The following DCC variants were observed in gnomAD, a reference collection of about 807,000 sequenced individuals.
The protein encoded by DCC is DCC netrin 1 receptor.
A neutral mutation model predicts 172.5 loss-of-function variants in DCC; 58 were observed. The observed-to-expected ratio is 0.34, with a 90% CI of 0.27 to 0.42. The LOEUF (loss-of-function observed/expected upper bound fraction) is 0.42, where lower values mean the gene tolerates loss of function less well. DCC is among the 10% of genes least tolerant of loss of function. The pLI is 1.00. For missense variants in DCC, 1,740 were observed against 1,791.0 expected (o/e 0.97, Z 0.51); for synonymous variants, 709 against 644.5 (o/e 1.10, Z -1.52).
intron 1 of DCC, among the ~76,000 whole-genome samples, chr18:52,578,392 A>G (rs1305185659): frequency 1.3e-5 from 2 of 152,208 alleles, no homozygotes; most frequent in Non-Finnish European, 2.9e-5. Context: ...CGTACGCTGC[A>G]TGAGATAATT....
intron 7 of DCC, among the ~76,000 whole-genome samples, chr18:53,096,343 A>T (rs989419802): frequency 1.3e-5 from 2 of 152,106 alleles, no homozygotes; most frequent in African/African-American, 4.8e-5. Context: ...TAGCTAAAAA[A>T]GAATAAAAAA....
chr18:53,207,763 C>T lies in DCC; in HGVS notation c.1807C>T (p.Arg603Cys), dbSNP rs267605206. 21 of 1,613,118 alleles carry T rather than the reference C, an allele frequency of 1.3e-5. 1 individual carries two copies. Among genetic ancestry groups the T allele is most frequent in the African/African-American group, 1.3e-5 (1 of 74,994 alleles). Residue 603 changes from arginine to cysteine, a missense_variant, in exon 11 of 29, where the codon CGC (arginine) becomes TGC (cysteine). Arg to Cys is a radical substitution (Grantham distance 180). Around this residue, in one of 2 missense-constraint regions of DCC, gnomAD observed 1,732 missense variants for 1,767.4 expected, o/e 0.98. Coordinates refer to ENST00000442544, the MANE Select transcript of DCC (RefSeq NM_005215.4). The stretch of plus-strand genomic sequence containing the variant: ...TAGTCTTCGATTCTTAGCTTATAAT[C>T]GCTATGGTCCGGGCGTCTCTACTGA... ...EYSLRFLAYN[R>C]YGPGVSTDDI...
At chr18:52,778,811 C>T (rs1373225513) in intron 2 of DCC, among the ~76,000 whole-genome samples, 2 of 152,070 alleles carry the variant, frequency 1.3e-5, no homozygotes, top group East Asian at 1.9e-4. Context: ...CTTTATTTTC[C>T]ACACTTAGGC....
intron 1 of DCC, among the ~76,000 whole-genome samples, chr18:52,456,959 T>A (rs347537): frequency 0.047 from 7,061 of 151,776 alleles, 371 homozygotes; most frequent in African/African-American, 0.12. Context: ...GTTTTTTTTT[T>A]AAAAAAATAG....
chr18:52,340,681 G>A lies in DCC; in HGVS notation c.-107G>A, dbSNP rs537370431. 453 of 843,182 alleles carry A rather than the reference G, an allele frequency of 5.4e-4. No individual in the cohort carries two copies. The highest frequency in any genetic ancestry group is 7.0e-4 in the Non-Finnish European group (334 of 479,452). 52.2% of individuals were successfully genotyped at this position (843,182 alleles called of 1,614,324 possible). A position where few individuals can be genotyped will look rare whatever the true frequency, so the allele number is the denominator to read the frequency against. On this transcript the variant is annotated 5_prime_UTR_variant, in exon 1 of 29. Coordinates refer to ENST00000442544, the MANE Select transcript of DCC (RefSeq NM_005215.4). Reference sequence around the variant, plus strand: ...AGAGGACGAGGAGGAGGAGGAAGCCGAAGGGGCTCGGCGCGTGTGTGTGCA... The same window carrying A: ...AGAGGACGAGGAGGAGGAGGAAGCCAAAGGGGCTCGGCGCGTGTGTGTGCA...
chr18:52,928,036 C>A (rs1430892029), intron 5 of DCC, among the ~76,000 whole-genome samples: 1 of 151,970 alleles, frequency 6.6e-6, no homozygotes, highest in Non-Finnish European at 1.5e-5. Flanking sequence ...CAGTGGTAGA[C>A]TGAATAAAGA....
chr18:53,055,825 A>G (rs964100500), intron 5 of DCC, among the ~76,000 whole-genome samples: 10 of 152,110 alleles, frequency 6.6e-5, no homozygotes, highest in Non-Finnish European at 1.2e-4. Context: ...GCATCATCAC[A>G]GCACCTTCCT....
intron 1 of DCC, among the ~76,000 whole-genome samples, chr18:52,685,864 T>C (rs1174133360): frequency 6.6e-6 from 1 of 152,146 alleles, no homozygotes; most frequent in African/African-American, 2.4e-5. Flanking sequence ...AGATAAGATA[T>C]GCACTTGGTC....
At chr18:52,652,971 G>A (rs961733313) in intron 1 of DCC, among the ~76,000 whole-genome samples, 5 of 151,924 alleles carry the variant, frequency 3.3e-5, no homozygotes, top group Non-Finnish European at 7.4e-5. Context: ...CAGGGGAAAG[G>A]GTATATCAAT....
intron 1 of DCC, among the ~76,000 whole-genome samples, chr18:52,697,464 G>T (rs1291824562): frequency 6.6e-6 from 1 of 152,158 alleles, no homozygotes; most frequent in Non-Finnish European, 1.5e-5. Context: ...TTCTTCCTGT[G>T]CCTCAGTTTT....
At chr18:52,728,806 C>A (rs956467910) in intron 1 of DCC, among the ~76,000 whole-genome samples, 1 of 152,142 alleles carries the variant, frequency 6.6e-6, no homozygotes, top group Non-Finnish European at 1.5e-5. Flanking sequence ...TGCTTAGAGT[C>A]CTGAAGGATG....
intron 1 of DCC, among the ~76,000 whole-genome samples, chr18:52,583,255 T>A (rs1390434593): frequency 2.6e-5 from 4 of 152,220 alleles, no homozygotes; most frequent in Non-Finnish European, 5.9e-5. Context: ...TATTGATCAA[T>A]GTGCAATAAA....
intron 7 of DCC, among the ~76,000 whole-genome samples, chr18:53,149,527 C>G (rs959853901): frequency 6.6e-6 from 1 of 152,174 alleles, no homozygotes; most frequent in Non-Finnish European, 1.5e-5. Context: ...GATGCCCTAG[C>G]CACCTCGCCA....
intron 7 of DCC, among the ~76,000 whole-genome samples, chr18:53,089,713 G>A (rs992857894): frequency 6.6e-6 from 1 of 152,070 alleles, no homozygotes. Flanking sequence ...TAGCCATATC[G>A]TGGTTATACT....
At chr18:52,805,209 CTG>C (rs1395721296) in intron 2 of DCC, among the ~76,000 whole-genome samples, 1 of 152,184 alleles carries the variant, frequency 6.6e-6, no homozygotes, top group East Asian at 1.9e-4. Context: ...TTCCTTCTCT[CTG>C]TGCCTTTCAA....
rs1568193884 is a variant in DCC at position 53,535,069 on chromosome 18, G to A, written c.*4416G>A. On this transcript the variant is annotated 3_prime_UTR_variant, in exon 29 of 29. Coordinates refer to ENST00000442544, the MANE Select transcript of DCC (RefSeq NM_005215.4). ...TTTTCAGATGCAAGAAAGGAATGATGGAGAGGAGGAGAAATGCTGTTTTTT... is the reference window on the plus strand; with the variant it reads ...TTTTCAGATGCAAGAAAGGAATGATAGAGAGGAGGAGAAATGCTGTTTTTT... 6.6e-6 allele frequency: 1 copy of A among 151,546 alleles called. No homozygotes were observed. Among genetic ancestry groups the A allele is most frequent in the Non-Finnish European group, 1.5e-5 (1 of 67,928 alleles). The allele number at this position is 151,546 out of a possible 1,614,324, so 9.4% of individuals were successfully genotyped here.
At chr18:52,869,383 G>A (rs1346904470) in intron 2 of DCC, among the ~76,000 whole-genome samples, 1 of 152,184 alleles carries the variant, frequency 6.6e-6, no homozygotes, top group Non-Finnish European at 1.5e-5. Context: ...GCTCTGCTCT[G>A]GTTGAGCCCA....
chr18:52,370,266 A>T (rs1985058740), intron 1 of DCC, among the ~76,000 whole-genome samples: 1 of 152,230 alleles, frequency 6.6e-6, no homozygotes, highest in Non-Finnish European at 1.5e-5. Context: ...TATTATAAAG[A>T]TAAATGCATG....
chr18:53,090,485 A>G (rs2042986830), intron 7 of DCC, among the ~76,000 whole-genome samples: 1 of 151,590 alleles, frequency 6.6e-6, no homozygotes, highest in Non-Finnish European at 1.5e-5. Flanking sequence ...CGAGGTCAGG[A>G]GATTGAGACC....
Sources: gnomAD v4.1 joint callset for allele counts (sites outside exome capture counted in the v4.1 genomes callset) on GRCh38, gnomAD v4.1.1 for gene constraint, gnomAD v4.1.1 regional missense constraint, MANE v1.5 for transcripts, NCBI Gene and HGNC (gene_info 2026-07-23, HGNC 2026-07-21) for gene names.